Variants in KDM4B observed in about 807,000 individuals in gnomAD.
KDM4B encodes the protein lysine demethylase 4B, also known as lysine-specific demethylase 4B.
Under a neutral mutation model 125.2 loss-of-function variants are expected in KDM4B, and 32 were observed. That is an observed-to-expected ratio of 0.26 (90% CI 0.19 to 0.34). The LOEUF (loss-of-function observed/expected upper bound fraction) is 0.34. Ranked by LOEUF, KDM4B falls within the 10% of genes least tolerant of loss-of-function variation. The pLI is 1.00. For missense variants in KDM4B, 1,190 were observed against 1,577.7 expected (o/e 0.75, Z 4.16); for synonymous variants, 721 against 677.9 (o/e 1.06, Z -0.99).
At chr19:5,121,137 C>T (rs1312192368) in intron 11 of KDM4B, among the ~76,000 whole-genome samples, 1 of 152,162 alleles carries the variant, frequency 6.6e-6, no homozygotes, top group Admixed American at 6.5e-5. Context: ...CTCCAGGAGG[C>T]AGGCACGCCC....
chr19:5,054,814 C>T (rs1462777847), intron 6 of KDM4B, among the ~76,000 whole-genome samples: 1 of 152,232 alleles, frequency 6.6e-6, no homozygotes, highest in Admixed American at 6.5e-5. Context: ...TGTGTTTTCC[C>T]TGGCCTGGTC....
intron 14 of KDM4B, among the ~76,000 whole-genome samples, chr19:5,134,534 C>T (rs2039614455): frequency 6.6e-6 from 1 of 152,216 alleles, no homozygotes; most frequent in Admixed American, 6.5e-5. Flanking sequence ...AGATGGGGAG[C>T]TGGCCTCTGC....
In KDM4B at chr19:5,004,689, C is replaced by T. The variant is rs1010306317; in HGVS notation, c.-108-11568C>T. ...TGCTCCCTGGGAGTCCCCGTACCCC[C>T]GTGCGGTGAGCGTGAGAAGTCACCC... is the stretch of plus-strand genomic sequence containing the variant. On this transcript the variant is annotated intron_variant, in intron 1 of 22. Coordinates refer to ENST00000159111, the MANE Select transcript of KDM4B (RefSeq NM_015015.3). Among the ~76,000 whole-genome samples the T allele has an allele frequency of 5.9e-5, 9 of 152,260 alleles. No individual in the cohort carries two copies. The South Asian group carries it at 6.2e-4, about 11-fold the overall frequency.
chr19:5,020,922 G>A (rs978142833), intron 2 of KDM4B, among the ~76,000 whole-genome samples: 19 of 152,170 alleles, frequency 1.2e-4, no homozygotes, highest in African/African-American at 4.6e-4. Context: ...TGAGGCAGGC[G>A]GATCACCTGA....
In KDM4B at chr19:5,142,707, C is replaced by T. The variant is rs2039766895; in HGVS notation, c.2551-1260C>T. Among the ~76,000 whole-genome samples the T allele has an allele frequency of 6.6e-6, 1 of 152,118 alleles. No individual in the cohort carries two copies. Among genetic ancestry groups the T allele is most frequent in the Non-Finnish European group, 1.5e-5 (1 of 68,008 alleles). ...CCACTCCTACACACTGGCTACTCTG[C>T]CGGAGGGGGAGGCCGTGCTGGAGTG... On this transcript the variant is annotated intron_variant, in intron 18 of 22. Transcript: ENST00000159111. This position sits in a 1 kb window ranked among gnomAD's most constrained non-coding sequence, Gnocchi z 5.4.
intron 1 of KDM4B, among the ~76,000 whole-genome samples, chr19:5,005,860 G>A (rs1270064076): frequency 6.6e-6 from 1 of 152,152 alleles, no homozygotes; most frequent in Non-Finnish European, 1.5e-5. Flanking sequence ...GGCCCTGGGG[G>A]TCTAAGTGAT....
chr19:5,070,087 CT>C (rs1273911720), intron 6 of KDM4B, among the ~76,000 whole-genome samples: 3 of 152,092 alleles, frequency 2.0e-5, no homozygotes, highest in East Asian at 3.9e-4. Flanking sequence ...AGCTGTTGGC[CT>C]TGTTACTCTA....
intron 6 of KDM4B, among the ~76,000 whole-genome samples, chr19:5,054,610 C>A (rs1019687321): frequency 3.3e-5 from 5 of 152,208 alleles, no homozygotes; most frequent in African/African-American, 4.8e-5. Context: ...AAGACGAGAC[C>A]TGGGAGTCTG....
chr19:5,065,428 A>G (rs1218003528), intron 6 of KDM4B, among the ~76,000 whole-genome samples: 1 of 152,238 alleles, frequency 6.6e-6, no homozygotes, highest in Non-Finnish European at 1.5e-5. Context: ...ATTCTAAGCC[A>G]TTAGAGGGGA....
intron 18 of KDM4B, among the ~76,000 whole-genome samples, chr19:5,139,025 C>T (rs553422251): frequency 2.0e-5 from 3 of 152,260 alleles, no homozygotes; most frequent in South Asian, 2.1e-4. Flanking sequence ...TGGGCTCAAG[C>T]GATCATCCCG....
intron 21 of KDM4B, among the ~76,000 whole-genome samples, chr19:5,149,938 G>A (rs947788413): frequency 4.6e-5 from 7 of 151,968 alleles, no homozygotes; most frequent in South Asian, 2.1e-4. Context: ...CCGCCTGTCC[G>A]GCCTCCCCTG....
At chr19:5,121,219 A>G (rs1303994091) in intron 11 of KDM4B, among the ~76,000 whole-genome samples, 1 of 152,150 alleles carries the variant, frequency 6.6e-6, no homozygotes, top group African/African-American at 2.4e-5. Context: ...CTGAGGCAAG[A>G]AAAGTGAGCA....
chr19:5,010,198 G>C (rs1024690000), intron 1 of KDM4B, among the ~76,000 whole-genome samples: 1 of 152,192 alleles, frequency 6.6e-6, no homozygotes, highest in African/African-American at 2.4e-5. Flanking sequence ...CTTCCAAAGA[G>C]CACCAGGCAG....
At chr19:5,037,767 C>T (rs940689209) in intron 3 of KDM4B, among the ~76,000 whole-genome samples, 1 of 152,198 alleles carries the variant, frequency 6.6e-6, no homozygotes, top group Non-Finnish European at 1.5e-5. Context: ...TCGTGAAAGC[C>T]ACAGACATCC....
At chr19:5,121,291 G>A (rs962286849) in intron 11 of KDM4B, among the ~76,000 whole-genome samples, 2 of 152,226 alleles carry the variant, frequency 1.3e-5, no homozygotes, top group African/African-American at 4.8e-5. Context: ...CTTACTCGGT[G>A]GGGTACGTGG....
At chr19:5,102,335 G>C (rs2038953205) in intron 9 of KDM4B, among the ~76,000 whole-genome samples, 1 of 152,236 alleles carries the variant, frequency 6.6e-6, no homozygotes, top group African/African-American at 2.4e-5. Flanking sequence ...GGAGCCATGA[G>C]CGTGGCCTCC....
chr19:4,983,578 C>G lies in KDM4B; in HGVS notation c.-109+14348C>G, dbSNP rs568991609. ...GGCCAAGGGGTCCTGGCGGCCCAGC[C>G]TGGGCAGCGCCTCTGGCATCGCAGC... On this transcript the variant is annotated intron_variant, in intron 1 of 22. Coordinates refer to ENST00000159111, the MANE Select transcript of KDM4B (RefSeq NM_015015.3). Among the ~76,000 whole-genome samples the G allele has an allele frequency of 2.3e-4, 35 of 152,336 alleles. No individual in the cohort carries two copies. In the South Asian group the frequency reaches 7.3e-3, roughly 32 times the overall value.
intron 6 of KDM4B, among the ~76,000 whole-genome samples, chr19:5,055,455 C>G (rs1427982590): frequency 1.3e-5 from 2 of 152,190 alleles, no homozygotes; most frequent in Non-Finnish European, 2.9e-5. Context: ...CTGGGGACTT[C>G]CGGTGTTTGG....
At chr19:5,002,449 CT>C (rs2035419466) in intron 1 of KDM4B, among the ~76,000 whole-genome samples, 1 of 151,128 alleles carries the variant, frequency 6.6e-6, no homozygotes. Flanking sequence ...TCTCCCCTTT[CT>C]CTCTCCTTTC....
Sources: gnomAD v4.1 joint callset for allele counts (sites outside exome capture counted in the v4.1 genomes callset) on GRCh38, gnomAD v4.1.1 for gene constraint, Gnocchi (gnomAD v3.1) non-coding constraint, MANE v1.5 for transcripts, NCBI Gene and HGNC (gene_info 2026-07-23, HGNC 2026-07-21) for gene names.